STARD3: variants seen among roughly 807,000 people sequenced by gnomAD.
The protein encoded by STARD3 is StAR related lipid transfer domain containing 3.
Under a neutral mutation model 62.0 loss-of-function variants are expected in STARD3, and 39 were observed. The observed-to-expected ratio is 0.63, with a 90% confidence interval of 0.49 to 0.82. The LOEUF (loss-of-function observed/expected upper bound fraction) is 0.82, where lower values mean the gene tolerates loss of function less well. Ranked by LOEUF, STARD3 falls within the 40% of genes least tolerant of loss-of-function variation. The pLI is 0.00. For missense variants in STARD3, 543 were observed against 584.5 expected, an observed-to-expected ratio of 0.93 and a Z score of 0.73; for synonymous variants, 229 against 242.4, an observed-to-expected ratio of 0.94 and a Z score of 0.51.
chr17:39,638,158 C>T (rs1479992520), intron 1 of STARD3, among the ~76,000 whole-genome samples: 2 of 152,222 alleles, frequency 1.3e-5, no homozygotes, highest in African/African-American at 2.4e-5. Flanking sequence ...GTACTGCCAA[C>T]TTCCTGAACA....
At position 39,660,042 on chromosome 17, in the gene STARD3, T is replaced by C; in HGVS notation, c.796-169T>C. ...AAAAGCCTCTCTCCTGCCAGTGCCA[T>C]AGGTTTGTTAGAGCTACTGTTTTGT... On this transcript the variant is annotated intron_variant, in intron 9 of 14. Transcript: ENST00000336308. The surrounding 1 kb of genome is among the most constrained non-coding windows in gnomAD (Gnocchi z 4.8). 3.1e-6 allele frequency: 2 copies of C among 642,638 alleles called. No individual in the cohort carries two copies. Among genetic ancestry groups the C allele is most frequent in the Admixed American group, 2.6e-5 (1 of 37,808 alleles). The allele number at this position is 642,638 out of a possible 1,614,324, so 39.8% of individuals were successfully genotyped here. A position where few individuals can be genotyped will look rare whatever the true frequency, so the allele number is the denominator to read the frequency against.
rs774165069 is a variant in STARD3, at chr17:39,660,391, C to T, written c.859-40C>T. ...AGAGGGAAGGGTTGGTCTGCCCGAG[C>T]CCATCTGGCACCACCCAGCCCTCTG... On this transcript the variant is annotated intron_variant, in intron 10 of 14. Transcript: ENST00000336308. The surrounding 1 kb of genome is among the most constrained non-coding windows in gnomAD (Gnocchi z 4.8). The T allele has an allele frequency of 6.2e-7, 1 of 1,611,396 alleles. No homozygotes were observed.
Position 39,653,577 on chromosome 17 carries a change from C to T in STARD3, c.46C>T (p.Leu16=), listed in dbSNP as rs2057097721. ...GCTGACCCGAGACTTGGAGCGCAGCCTGCCTGCCGTGGCCTCCCTGGGCTC... is the reference window on the plus strand; with the variant it reads ...GCTGACCCGAGACTTGGAGCGCAGCTTGCCTGCCGTGGCCTCCCTGGGCTC... The part of the protein sequence containing the change: ...RELTRDLERS[L]PAVASLGSSL... Residue 16 remains leucine (L), a synonymous_variant, in exon 2 of 15, where the codon CTG becomes TTG. Coordinates refer to ENST00000336308, the MANE Select transcript of STARD3 (RefSeq NM_006804.4). 3 of 1,609,574 alleles carry T rather than the reference C, an allele frequency of 1.9e-6. No homozygotes were observed. Among genetic ancestry groups the T allele is most frequent in the Non-Finnish European group, 2.5e-6 (3 of 1,179,996 alleles).
At position 39,658,393 on chromosome 17, in the gene STARD3, C is replaced by G; in HGVS notation, c.430-12C>G. ...GACCCCTGCCATGGAGCTCAGCCCC[C>G]TCCCTTCACAGCTGCTCAGCAAAGG... On this transcript the variant is annotated splice_polypyrimidine_tract_variant and intron_variant, in intron 5 of 14. Coordinates refer to ENST00000336308, the MANE Select transcript of STARD3 (RefSeq NM_006804.4). 6.2e-7 allele frequency: 1 copy of G among 1,611,500 alleles called. No homozygotes were observed. Among genetic ancestry groups the G allele is most frequent in the Non-Finnish European group, 8.5e-7 (1 of 1,177,850 alleles).
intron 1 of STARD3, among the ~76,000 whole-genome samples, chr17:39,651,326 A>G (rs1355180586): frequency 6.6e-6 from 1 of 152,200 alleles, no homozygotes; most frequent in Admixed American, 6.5e-5. Context: ...TGGTAGACTG[A>G]GGGGCCCAGG....
intron 1 of STARD3, among the ~76,000 whole-genome samples, chr17:39,642,332 C>T (rs187254762): frequency 3.3e-5 from 5 of 152,310 alleles, no homozygotes; most frequent in African/African-American, 1.2e-4. Context: ...TTGAGGACCC[C>T]CAGGAAACCA....
Position 39,661,035 on chromosome 17 carries a change from A to G in STARD3, c.1089A>G (p.Ser363=), listed in dbSNP as rs1045933220. 1 of 1,613,710 alleles carries G rather than the reference A, an allele frequency of 6.2e-7. No homozygotes were observed. Residue 363 remains serine, a synonymous_variant, in exon 13 of 15, where the codon TCA becomes TCG. Coordinates refer to ENST00000336308, the MANE Select transcript of STARD3 (RefSeq NM_006804.4). ...GGCGCAGGGACCGATACTTGTCATC[A>G]GGGATCGCCACCTCACACAGTGCCA... is the stretch of plus-strand genomic sequence containing the variant. ...IERRRDRYLS[S]GIATSHSAKP...
rs1036238583 is a variant in STARD3, at chr17:39,662,120, G to T, written c.1140-131G>T. 2.1e-5 allele frequency: 16 copies of T among 767,060 alleles called. No individual in the cohort carries two copies. The African/African-American group carries it at 2.8e-4, about 13-fold the overall frequency. The allele number at this position is 767,060 out of a possible 1,614,324, so 47.5% of individuals were successfully genotyped here. ...CTGTGCTAAGCCTTGTTCAGATAGG[G>T]TAGCTCTGCCTTTCTGCTTCCAGCC... On this transcript the variant is annotated intron_variant, in intron 13 of 14. Coordinates refer to ENST00000336308, the MANE Select transcript of STARD3 (RefSeq NM_006804.4).
At chr17:39,658,064 A>G (rs1327561215) in intron 5 of STARD3, 38 bp downstream of exon 5, 4 of 1,546,980 alleles carry the variant, frequency 2.6e-6, no homozygotes, top group Non-Finnish European at 2.6e-6. Flanking sequence ...GGTGGGCATC[A>G]GACCTGAGTG....
rs1280290661 is a variant in STARD3 at position 39,661,322 on chromosome 17, C to CG, written c.1139+239dup. On this transcript the variant is annotated intron_variant, in intron 13 of 14. Transcript: ENST00000336308. ...AGCCACCAAGGCTGGACGGGATGTGCGGCGGTGGCTGGCTGGGGTAGACCA... is the reference window on the plus strand; with the variant it reads ...AGCCACCAAGGCTGGACGGGATGTGCGGGCGGTGGCTGGCTGGGGTAGACCA... 2.9e-5 allele frequency: 16 copies of CG among 553,776 alleles called. No homozygotes were observed. The East Asian group carries it at 4.0e-4, about 14-fold the overall frequency. 34.3% of individuals were successfully genotyped at this position (553,776 alleles called of 1,614,324 possible). A position where few individuals can be genotyped will look rare whatever the true frequency, so the allele number is the denominator to read the frequency against.
intron 1 of STARD3, among the ~76,000 whole-genome samples, chr17:39,645,144 A>G (rs775180225): frequency 9.9e-5 from 15 of 152,058 alleles, no homozygotes; most frequent in Non-Finnish European, 2.1e-4. Flanking sequence ...GGAGCTTGCA[A>G]TTGCAGAGGG....
intron 14 of STARD3, chr17:39,662,593 C>T (rs770607591): frequency 1.7e-4 from 108 of 632,282 alleles, no homozygotes; most frequent in Non-Finnish European, 2.3e-4. Context: ...GTGGCCAGCC[C>T]GGCCCCACCC....
At chr17:39,649,627 G>T (rs1218146932) in intron 1 of STARD3, among the ~76,000 whole-genome samples, 1 of 152,318 alleles carries the variant, frequency 6.6e-6, no homozygotes, top group Non-Finnish European at 1.5e-5. Context: ...AGCACTTTGG[G>T]AGGCCAAGGC....
chr17:39,662,224 T>C lies in STARD3; in HGVS notation c.1140-27T>C, dbSNP rs546535733. Reference sequence around the variant, plus strand: ...GTCAGGGCCTCACTCTGTTCCAAAGTCCCCCCAATGATGCCTCTTTCCATA... The same window carrying C: ...GTCAGGGCCTCACTCTGTTCCAAAGCCCCCCCAATGATGCCTCTTTCCATA... On this transcript the variant is annotated intron_variant, in intron 13 of 14. Coordinates refer to ENST00000336308, the MANE Select transcript of STARD3 (RefSeq NM_006804.4). 3 of 1,605,398 alleles carry C rather than the reference T, an allele frequency of 1.9e-6. No individual in the cohort carries two copies. In the South Asian group the frequency reaches 3.3e-5, roughly 18 times the overall value.
intron 1 of STARD3, among the ~76,000 whole-genome samples, chr17:39,641,234 T>C (rs2056980344): frequency 6.6e-6 from 1 of 152,128 alleles, no homozygotes; most frequent in Non-Finnish European, 1.5e-5. Flanking sequence ...TTACTAGACA[T>C]GTACCGTGGC....
chr17:39,640,900 A>T (rs2056977812), intron 1 of STARD3, among the ~76,000 whole-genome samples: 1 of 152,174 alleles, frequency 6.6e-6, no homozygotes, highest in South Asian at 2.1e-4. Flanking sequence ...GGAAAGGAGA[A>T]ACAGAGCCAG....
rs1260698510 is a variant in STARD3, at chr17:39,658,818, C to CAG, written c.645_646dup (p.Gly216GlufsTer71). The CAG allele has an allele frequency of 2.5e-6, 4 of 1,613,852 alleles. No individual in the cohort carries two copies. Among genetic ancestry groups the CAG allele is most frequent in the Non-Finnish European group, 3.4e-6 (4 of 1,179,910 alleles). ...TTCTATTCACCCCCAGAATCCTTTG[C>CAG]AGGTGAGGGCTGGTGTGTGGGGGAA... On this transcript the variant is annotated frameshift_variant and splice_region_variant, in exon 7 of 15. Transcript: ENST00000336308. LOFTEE classifies it high-confidence loss of function.
At chr17:39,642,405 G>A (rs1453040834) in intron 1 of STARD3, among the ~76,000 whole-genome samples, 1 of 152,190 alleles carries the variant, frequency 6.6e-6, no homozygotes, top group Non-Finnish European at 1.5e-5. Flanking sequence ...CCCCACAGAG[G>A]GTGGAGTCCA....
rs148897013 is a variant in STARD3 at position 39,660,224 on chromosome 17, C to T, written c.809C>T (p.Thr270Ile). 1.9e-6 allele frequency: 3 copies of T among 1,613,962 alleles called. No homozygotes were observed. Among genetic ancestry groups the T allele is most frequent in the South Asian group, 1.1e-5 (1 of 91,084 alleles). ...TCCCTGCCATAGGAATATGGGGACA[C>T]CGTGTACACCATTGAAGTTCCCTTT... Reference protein sequence around the residue: ...KFEKNNEYGDTVYTIEVPFHG... With the variant: ...KFEKNNEYGDIVYTIEVPFHG... Residue 270 changes from threonine (T) to isoleucine (I), a missense_variant, in exon 10 of 15, where the codon ACC (threonine) becomes ATC (isoleucine). Thr to Ile is a moderately conservative substitution (Grantham distance 89, BLOSUM62 -1). Coordinates refer to ENST00000336308, the MANE Select transcript of STARD3 (RefSeq NM_006804.4). This position sits in a 1 kb window ranked among gnomAD's most constrained non-coding sequence, Gnocchi z 4.8.
Sources: allele counts gnomAD v4.1 joint callset (sites outside exome capture counted in the v4.1 genomes callset), GRCh38; gene constraint gnomAD v4.1.1; non-coding constraint Gnocchi (gnomAD v3.1); transcripts MANE v1.5; gene names NCBI Gene and HGNC (gene_info 2026-07-23, HGNC 2026-07-21).